ITGB3: variants seen among roughly 807,000 people sequenced by gnomAD.
The protein encoded by ITGB3 is integrin subunit beta 3.
In ITGB3, 48 loss-of-function variants were observed where a neutral mutation model predicts 85.8. That is an observed-to-expected ratio of 0.56 (90% confidence interval 0.44 to 0.71). The LOEUF (loss-of-function observed/expected upper bound fraction) is 0.71. Among genes scored for constraint, ITGB3 ranks in the 30% least tolerant of loss-of-function variants. The probability of loss-of-function intolerance (pLI) is 0.00; values close to 1 mark genes in which losing one functional copy is unlikely to be tolerated. For synonymous variants in ITGB3, 363 were observed against 395.6 expected, an observed-to-expected ratio of 0.92 and a Z score of 0.98; for missense variants, 861 against 1,019.1, an observed-to-expected ratio of 0.84 and a Z score of 2.11.
At chr17:47,290,338 G>A in intron 8 of ITGB3, 64 bp downstream of exon 8, 4 of 1,377,854 alleles carry the variant, frequency 2.9e-6, no homozygotes, top group Middle Eastern at 2.4e-4. Context: ...ACACAGCAGG[G>A]CTCAGATTTG....
At chr17:47,254,481 T>A (rs1198594945) in intron 1 of ITGB3, among the ~76,000 whole-genome samples, 1 of 152,198 alleles carries the variant, frequency 6.6e-6, no homozygotes, top group Non-Finnish European at 1.5e-5. Context: ...TTTTCTTTCT[T>A]TCTTTCTTTT....
chr17:47,290,247 C>T lies in ITGB3; in HGVS notation c.1098C>T (p.Val366=), dbSNP rs2065119687. The T allele has an allele frequency of 6.2e-7, 1 of 1,613,978 alleles. No individual in the cohort carries two copies. The highest frequency in any genetic ancestry group is 2.2e-5 in the East Asian group (1 of 44,870). Residue 366 remains valine, a synonymous_variant, in exon 8 of 15, where the codon GTC becomes GTT. Transcript: ENST00000559488. The part of the protein sequence containing the change: ...VGVLSMDSSN[V]LQLIVDAYGK... The stretch of plus-strand genomic sequence containing the variant: ...TTCTGTCCATGGATTCCAGCAATGT[C>T]CTCCAGCTCATTGTTGATGCTTATG...
At chr17:47,289,419 G>A (rs1043520945) in intron 6 of ITGB3, among the ~76,000 whole-genome samples, 1 of 151,894 alleles carries the variant, frequency 6.6e-6, no homozygotes, top group Non-Finnish European at 1.5e-5. Context: ...TCCAACTCCT[G>A]GGCTGAAGTG....
chr17:47,268,437 T>C lies in ITGB3; in HGVS notation c.80-5982T>C, dbSNP rs141281447. On this transcript the variant is annotated intron_variant, in intron 1 of 14. Coordinates refer to ENST00000559488, the MANE Select transcript of ITGB3 (RefSeq NM_000212.3). Reference sequence around the variant, plus strand: ...AATTGAAAGCAAATTAGTTACTTCCTAGATACAACGGGAGTGGAGGCATTG... The same window carrying C: ...AATTGAAAGCAAATTAGTTACTTCCCAGATACAACGGGAGTGGAGGCATTG... 4.6e-3 allele frequency among the ~76,000 whole-genome samples: 706 copies of C among 152,332 alleles called. 18 individuals are homozygous for C. The East Asian group carries it at 0.056, about 12-fold the overall frequency.
chr17:47,289,626 G>A lies in ITGB3; in HGVS notation c.940-55G>A. On this transcript the variant is annotated intron_variant, in intron 6 of 14. Transcript: ENST00000559488. ...CAAGCAAGATAAGTTCTAAGCTTTAGACCCTAGAGATGTACATGAGACGTC... is the reference window on the plus strand; with the variant it reads ...CAAGCAAGATAAGTTCTAAGCTTTAAACCCTAGAGATGTACATGAGACGTC... 5 of 1,249,518 alleles carry A rather than the reference G, an allele frequency of 4.0e-6. No homozygotes were observed. The South Asian group carries it at 6.0e-5, about 15-fold the overall frequency. 77.4% of individuals were successfully genotyped at this position (1,249,518 alleles called of 1,614,324 possible).
intron 10 of ITGB3, among the ~76,000 whole-genome samples, chr17:47,293,130 G>C (rs1333529490): frequency 6.6e-6 from 1 of 152,166 alleles, no homozygotes; most frequent in African/African-American, 2.4e-5. Flanking sequence ...TGCTATATTG[G>C]ACAGATCTAG....
intron 1 of ITGB3, among the ~76,000 whole-genome samples, chr17:47,271,351 C>G (rs1266174149): frequency 1.3e-5 from 2 of 152,032 alleles, no homozygotes; most frequent in Non-Finnish European, 2.9e-5. Context: ...AGTATGATTT[C>G]TACACAAATA....
chr17:47,292,132 C>T lies in ITGB3; in HGVS notation c.1261-7C>T. On this transcript the variant is annotated splice_region_variant and splice_polypyrimidine_tract_variant and intron_variant, in intron 9 of 14. Coordinates refer to ENST00000559488, the MANE Select transcript of ITGB3 (RefSeq NM_000212.3). ...TGTGTCTAAATACAATCTTTCTTTCCATCCAGGTGAGCTTCAGCATTGAGG... is the reference window on the plus strand; with the variant it reads ...TGTGTCTAAATACAATCTTTCTTTCTATCCAGGTGAGCTTCAGCATTGAGG... 6.2e-7 allele frequency: 1 copy of T among 1,614,006 alleles called. No individual in the cohort carries two copies. The highest frequency in any genetic ancestry group is 8.5e-7 in the Non-Finnish European group (1 of 1,179,880).
intron 10 of ITGB3, among the ~76,000 whole-genome samples, chr17:47,295,854 C>T (rs2065144172): frequency 1.3e-5 from 2 of 152,204 alleles, no homozygotes; most frequent in Non-Finnish European, 2.9e-5. Context: ...CTCACAGCTG[C>T]CCCTTCTGTG....
At chr17:47,280,024 C>T (rs148167217) in intron 2 of ITGB3, 1 of 152,326 alleles carries the variant, frequency 6.6e-6, no homozygotes, top group Non-Finnish European at 1.5e-5. Context: ...GCTGGGTGCA[C>T]GGGAGACTTT....
intron 13 of ITGB3, among the ~76,000 whole-genome samples, chr17:47,304,068 T>G (rs2065177757): frequency 6.6e-6 from 1 of 152,130 alleles, no homozygotes; most frequent in Non-Finnish European, 1.5e-5. Context: ...ATTTTTATTT[T>G]TTTGTAGAGA....
At chr17:47,304,884 A>C (rs564210065) in intron 13 of ITGB3, among the ~76,000 whole-genome samples, 1 of 152,290 alleles carries the variant, frequency 6.6e-6, no homozygotes, top group Non-Finnish European at 1.5e-5. Flanking sequence ...CTGGGATTCC[A>C]GGTGTGAGCC....
chr17:47,284,310 G>A (rs1263620170), intron 3 of ITGB3, 133 bp from the exon 4 acceptor site: 2 of 980,454 alleles, frequency 2.0e-6, no homozygotes, highest in Non-Finnish European at 1.6e-6. Context: ...GAATTGCAAA[G>A]GAAGAGGAAA....
At chr17:47,265,103 G>A (rs1052006543) in intron 1 of ITGB3, among the ~76,000 whole-genome samples, 1 of 152,114 alleles carries the variant, frequency 6.6e-6, no homozygotes, top group Admixed American at 6.5e-5. Flanking sequence ...TGACACCATT[G>A]ATATATATAG....
chr17:47,308,523 T>G (rs1196774588), intron 14 of ITGB3, among the ~76,000 whole-genome samples: 2 of 152,190 alleles, frequency 1.3e-5, no homozygotes, highest in East Asian at 3.8e-4. Context: ...CTCTTTTTTT[T>G]TGGAGACAGA....
intron 1 of ITGB3, among the ~76,000 whole-genome samples, chr17:47,265,103 G>GAT (rs1400175418): frequency 6.6e-6 from 1 of 152,114 alleles, no homozygotes; most frequent in Non-Finnish European, 1.5e-5. Context: ...TGACACCATT[G>GAT]ATATATATAG....
chr17:47,286,183 C>A, intron 4 of ITGB3, 77 bp from the exon 5 acceptor site: 1 of 1,527,826 alleles, frequency 6.5e-7, no homozygotes, highest in Non-Finnish European at 9.1e-7. Flanking sequence ...TATATTTGTC[C>A]CCTCTCTTTC....
intron 6 of ITGB3, among the ~76,000 whole-genome samples, chr17:47,288,597 C>A (rs760032484): frequency 1.3e-5 from 2 of 152,060 alleles, no homozygotes; most frequent in Non-Finnish European, 2.9e-5. Context: ...TAATGAGCTC[C>A]CTGCAAGGTC....
At chr17:47,269,179 T>G (rs111862478) in intron 1 of ITGB3, among the ~76,000 whole-genome samples, 64 of 152,356 alleles carry the variant, frequency 4.2e-4, no homozygotes, top group African/African-American at 1.5e-3. Context: ...TTTTTCCTCT[T>G]AGGCCTCTGT....
Sources: gnomAD v4.1 joint callset for allele counts (sites outside exome capture counted in the v4.1 genomes callset) on GRCh38, gnomAD v4.1.1 for gene constraint, MANE v1.5 for transcripts, NCBI Gene and HGNC (gene_info 2026-07-23, HGNC 2026-07-21) for gene names.